NDUFAF2: variants seen among roughly 807,000 people sequenced by gnomAD.
NDUFAF2 encodes NADH:ubiquinone oxidoreductase complex assembly factor 2.
In NDUFAF2, 13 loss-of-function variants were observed where a neutral mutation model predicts 22.8. The ratio of observed to expected loss-of-function variants is 0.57; its 90% CI spans 0.37 to 0.91. The LOEUF (loss-of-function observed/expected upper bound fraction) is 0.91. NDUFAF2 is among the 40% of genes least tolerant of loss of function. The probability of loss-of-function intolerance (pLI) is 0.01; values close to 1 mark genes in which losing one functional copy is unlikely to be tolerated. For missense variants in NDUFAF2, 162 were observed against 195.2 expected (o/e 0.83, Z 1.01); for synonymous variants, 53 against 64.2 (o/e 0.83, Z 0.84).
At chr5:61,038,103 A>AGAGG (rs1024992040) in intron 1 of NDUFAF2, among the ~76,000 whole-genome samples, 2 of 148,464 alleles carry the variant, frequency 1.3e-5, no homozygotes, top group African/African-American at 5.0e-5. Context: ...AGAGAGAGAG[A>AGAGG]GAGAGAGAGA....
Position 60,980,385 on chromosome 5 carries a change from A to G in NDUFAF2, c.127+35003A>G, listed in dbSNP as rs529679981. The stretch of plus-strand genomic sequence containing the variant: ...AGAATTCAAAATAACTGTATTGAGA[A>G]AACCCAAAGACATGATGTAATCCTA... On this transcript the variant is annotated intron_variant, in intron 1 of 3. Transcript: ENST00000296597. 2.3e-4 allele frequency among the ~76,000 whole-genome samples: 35 copies of G among 152,324 alleles called. 1 individual carries two copies. The Middle Eastern group carries it at 0.027, about 118-fold the overall frequency.
At chr5:61,065,888 A>C (rs1426558466) in intron 1 of NDUFAF2, among the ~76,000 whole-genome samples, 1 of 152,058 alleles carries the variant, frequency 6.6e-6, no homozygotes, top group African/African-American at 2.4e-5. Flanking sequence ...CCAAATCAGA[A>C]AAGAAGTAGA....
chr5:61,069,819 T>C (rs982647840), intron 1 of NDUFAF2, among the ~76,000 whole-genome samples: 1 of 152,088 alleles, frequency 6.6e-6, no homozygotes, highest in Non-Finnish European at 1.5e-5. Context: ...TTAAATGGGC[T>C]CCATATATTT....
intron 3 of NDUFAF2, among the ~76,000 whole-genome samples, chr5:61,108,060 A>G (rs1277792794): frequency 1.3e-5 from 2 of 150,052 alleles, no homozygotes; most frequent in East Asian, 1.9e-4. Context: ...ATAGTATTCC[A>G]TGGTGTATAT....
chr5:61,059,176 T>C (rs1421646470), intron 1 of NDUFAF2, among the ~76,000 whole-genome samples: 1 of 152,102 alleles, frequency 6.6e-6, no homozygotes, highest in African/African-American at 2.4e-5. Flanking sequence ...TAACTTTTAA[T>C]TATAAATCTT....
At chr5:61,098,560 T>C (rs1285963762) in intron 2 of NDUFAF2, among the ~76,000 whole-genome samples, 1 of 152,236 alleles carries the variant, frequency 6.6e-6, no homozygotes, top group Non-Finnish European at 1.5e-5. Flanking sequence ...GAAAAACTTT[T>C]CTAAGTCCCT....
At chr5:61,009,114 TGAAAATC>T (rs1751410653) in intron 1 of NDUFAF2, among the ~76,000 whole-genome samples, 1 of 152,090 alleles carries the variant, frequency 6.6e-6, no homozygotes, top group Admixed American at 6.6e-5. Context: ...TTTAAAAAAT[TGAAAATC>T]GAAAGACAAC....
chr5:61,091,372 G>A (rs896690327), intron 2 of NDUFAF2, among the ~76,000 whole-genome samples: 1 of 152,042 alleles, frequency 6.6e-6, no homozygotes, highest in African/African-American at 2.4e-5. Context: ...TTTAATAATA[G>A]CCATTCTGAC....
chr5:60,997,521 T>G (rs1369964634), intron 1 of NDUFAF2, among the ~76,000 whole-genome samples: 1 of 152,218 alleles, frequency 6.6e-6, no homozygotes, highest in African/African-American at 2.4e-5. Context: ...TTAAAAACTT[T>G]ATTGAGCTCT....
chr5:61,074,366 A>T (rs919357009), intron 2 of NDUFAF2, among the ~76,000 whole-genome samples: 2 of 152,154 alleles, frequency 1.3e-5, no homozygotes, highest in African/African-American at 4.8e-5. Flanking sequence ...AGGCGGGTGG[A>T]TCATGAGGTC....
intron 3 of NDUFAF2, among the ~76,000 whole-genome samples, chr5:61,149,389 T>G (rs944986728): frequency 1.1e-4 from 16 of 152,318 alleles, no homozygotes; most frequent in South Asian, 6.2e-4. Context: ...AAAAGTTAAG[T>G]AGCTTTCTTG....
At chr5:61,147,433 C>CTTTTT (rs1561139813) in intron 3 of NDUFAF2, among the ~76,000 whole-genome samples, 1 of 47,474 alleles carries the variant, frequency 2.1e-5, no homozygotes, top group Non-Finnish European at 4.6e-5. Flanking sequence ...ATTTTTTTTT[C>CTTTTT]TTTCTTTTTT....
At chr5:61,029,506 T>C (rs1006868679) in intron 1 of NDUFAF2, among the ~76,000 whole-genome samples, 4 of 152,154 alleles carry the variant, frequency 2.6e-5, no homozygotes, top group African/African-American at 9.7e-5. Context: ...GTGTTCAGGA[T>C]ACAGTTATTA....
rs1285515646 is a variant in NDUFAF2 at position 61,108,553 on chromosome 5, A to G, written c.258+9521A>G. 3.3e-5 allele frequency among the ~76,000 whole-genome samples: 5 copies of G among 151,344 alleles called. 1 individual carries two copies. Among genetic ancestry groups the G allele is most frequent in the African/African-American group, 1.2e-4 (5 of 40,654 alleles). On this transcript the variant is annotated intron_variant, in intron 3 of 3. Coordinates refer to ENST00000296597, the MANE Select transcript of NDUFAF2 (RefSeq NM_174889.5). ...AAATCTTTGCTCAGTCCAGTGTCCTAGAGAGTTTCCCCAATGTTTTCCTTT... is the reference window on the plus strand; with the variant it reads ...AAATCTTTGCTCAGTCCAGTGTCCTGGAGAGTTTCCCCAATGTTTTCCTTT...
At chr5:61,023,325 A>G (rs1287722957) in intron 1 of NDUFAF2, among the ~76,000 whole-genome samples, 1 of 152,076 alleles carries the variant, frequency 6.6e-6, no homozygotes, top group Non-Finnish European at 1.5e-5. Context: ...TTGAAAAATC[A>G]TTCTAAACAT....
rs541550761 is a variant in NDUFAF2 at position 60,973,348 on chromosome 5, C to A, written c.127+27966C>A. Among the ~76,000 whole-genome samples, 8 of 151,996 alleles carry A rather than the reference C, an allele frequency of 5.3e-5. No homozygotes were observed. In the South Asian group the frequency reaches 1.7e-3, roughly 32 times the overall value. On this transcript the variant is annotated intron_variant, in intron 1 of 3. Coordinates refer to ENST00000296597, the MANE Select transcript of NDUFAF2 (RefSeq NM_174889.5). ...CTTTTTTTCTTGAGTTTTTTGTTTG[C>A]TTGCTTGTTTGTTTGTTTAGGAAGC...
intron 1 of NDUFAF2, among the ~76,000 whole-genome samples, chr5:61,049,029 A>G (rs962934312): frequency 1.3e-5 from 2 of 152,158 alleles, no homozygotes; most frequent in African/African-American, 4.8e-5. Context: ...AAATCAATGT[A>G]TAATAATGTC....
chr5:60,986,321 G>A (rs1485860207), intron 1 of NDUFAF2, among the ~76,000 whole-genome samples: 1 of 151,944 alleles, frequency 6.6e-6, no homozygotes, highest in East Asian at 1.9e-4. Context: ...GAGAAAATCA[G>A]TCAAAACTAT....
At chr5:61,072,163 ACAG>A (rs1406473599) in intron 1 of NDUFAF2, among the ~76,000 whole-genome samples, 2 of 152,226 alleles carry the variant, frequency 1.3e-5, no homozygotes, top group Non-Finnish European at 2.9e-5. Context: ...GGGAGACAAA[ACAG>A]CAGCAGCTGG....
Sources: gnomAD v4.1 joint callset for allele counts (sites outside exome capture counted in the v4.1 genomes callset) on GRCh38, gnomAD v4.1.1 for gene constraint, MANE v1.5 for transcripts, NCBI Gene and HGNC (gene_info 2026-07-23, HGNC 2026-07-21) for gene names.